The following ELMO1 variants were observed in gnomAD, a reference collection of about 807,000 sequenced individuals.
The protein encoded by ELMO1 is engulfment and cell motility protein 1.
ELMO1 carries 26 observed loss-of-function variants against 98.9 expected under a neutral mutation model. That is an observed-to-expected ratio of 0.26 (90% CI 0.19 to 0.36). ELMO1 has a LOEUF of 0.36. Among genes scored for constraint, ELMO1 ranks in the 10% least tolerant of loss-of-function variants. ELMO1 has a pLI of 1.00. For synonymous variants in ELMO1, 346 were observed against 346.0 expected (o/e 1.00, Z 0.00); for missense variants, 627 against 935.2 (o/e 0.67, Z 4.30).
chr7:36,862,743 T>C (rs1802733532), intron 20 of ELMO1, among the ~76,000 whole-genome samples: 1 of 152,186 alleles, frequency 6.6e-6, no homozygotes, highest in South Asian at 2.1e-4. Context: ...GTGCTTCTAT[T>C]AGGCACCAGT....
At chr7:37,340,489 T>C (rs1800655531) in intron 2 of ELMO1, among the ~76,000 whole-genome samples, 1 of 152,156 alleles carries the variant, frequency 6.6e-6, no homozygotes, top group Non-Finnish European at 1.5e-5. Context: ...TGAGGAAACG[T>C]GACAATTCGT....
intron 13 of ELMO1, chr7:37,204,136 G>T (rs750430326): frequency 6.6e-6 from 3 of 456,380 alleles, no homozygotes; most frequent in Non-Finnish European, 1.3e-5. Context: ...TAGTCTCACC[G>T]CCTGGCGATG....
At chr7:36,901,129 A>G (rs1264166243) in intron 16 of ELMO1, among the ~76,000 whole-genome samples, 2 of 152,208 alleles carry the variant, frequency 1.3e-5, no homozygotes, top group African/African-American at 2.4e-5. Context: ...GCCTACCTCC[A>G]TATAGAGGTC....
intron 4 of ELMO1, among the ~76,000 whole-genome samples, chr7:37,307,415 G>T (rs1167417304): frequency 6.6e-6 from 1 of 152,174 alleles, no homozygotes; most frequent in Non-Finnish European, 1.5e-5. Flanking sequence ...GGACATGTTT[G>T]CTTTCCCTTC....
chr7:37,131,591 C>T (rs549847906), intron 14 of ELMO1, among the ~76,000 whole-genome samples: 17 of 152,226 alleles, frequency 1.1e-4, no homozygotes, highest in Non-Finnish European at 2.1e-4. Flanking sequence ...ACGCTCAACT[C>T]TCCAAGGCTA....
chr7:37,194,365 C>T (rs1175407288), intron 13 of ELMO1, among the ~76,000 whole-genome samples: 4 of 152,198 alleles, frequency 2.6e-5, no homozygotes, highest in African/African-American at 9.7e-5. Context: ...GCCACACAAG[C>T]TGTGCAACAC....
At chr7:36,895,129 C>T in intron 16 of ELMO1, 112 bp from the exon 17 acceptor site, 1 of 1,214,522 alleles carries the variant, frequency 8.2e-7, no homozygotes, top group Non-Finnish European at 1.2e-6. Flanking sequence ...CACGCATGCT[C>T]AGCATTAACC....
chr7:37,347,086 G>T (rs941621267), intron 1 of ELMO1, among the ~76,000 whole-genome samples: 10 of 152,258 alleles, frequency 6.6e-5, no homozygotes, highest in Admixed American at 5.2e-4. Flanking sequence ...AAAGGGAGGG[G>T]GGCATAGCAA....
chr7:37,110,672 A>T (rs2129276054), intron 14 of ELMO1, among the ~76,000 whole-genome samples: 1 of 152,196 alleles, frequency 6.6e-6, no homozygotes, highest in Middle Eastern at 3.4e-3. Flanking sequence ...CTTTAAAATC[A>T]TTTCACCGGC....
chr7:37,231,525 G>A (rs1794176074), intron 8 of ELMO1, among the ~76,000 whole-genome samples: 1 of 152,094 alleles, frequency 6.6e-6, no homozygotes, highest in Admixed American at 6.5e-5. Context: ...AACCATGAGG[G>A]AAATATCAGA....
chr7:37,387,099 A>C (rs1285801250), intron 1 of ELMO1, among the ~76,000 whole-genome samples: 11 of 152,224 alleles, frequency 7.2e-5, no homozygotes, highest in African/African-American at 2.7e-4. Flanking sequence ...ATAAAGAATA[A>C]ACCCACAGAA....
chr7:37,371,910 G>A (rs1011455410), intron 1 of ELMO1, among the ~76,000 whole-genome samples: 1 of 152,160 alleles, frequency 6.6e-6, no homozygotes, highest in Non-Finnish European at 1.5e-5. Context: ...ATGGGTTGGG[G>A]GAGGTTGGTT....
At chr7:37,285,805 T>TA (rs747498278) in intron 4 of ELMO1, among the ~76,000 whole-genome samples, 15 of 151,988 alleles carry the variant, frequency 9.9e-5, no homozygotes, top group Non-Finnish European at 1.6e-4. Context: ...CCTGTACGAG[T>TA]TGAGCGAACC....
At position 37,340,672 on chromosome 7, in the gene ELMO1, T is replaced by C. The variant is rs143394239; in HGVS notation, c.78+1941A>G. 2.7e-3 allele frequency among the ~76,000 whole-genome samples: 412 copies of C among 152,314 alleles called. 2 individuals carry two copies. The highest frequency in any genetic ancestry group is 2.5e-3 in the Non-Finnish European group (171 of 68,022). On this transcript the variant is annotated intron_variant, in intron 2 of 21. Coordinates refer to ENST00000310758, the MANE Select transcript of ELMO1 (RefSeq NM_014800.11). ...GGGGAAACTGGAAATAGGGTATAAA[T>C]GTAAGCATATACAATCTTTGTAATT...
chr7:37,183,346 T>G (rs1450470866), intron 13 of ELMO1, among the ~76,000 whole-genome samples: 2 of 152,234 alleles, frequency 1.3e-5, no homozygotes, highest in Non-Finnish European at 2.9e-5. Flanking sequence ...TAAATAACAT[T>G]GTTTCAGTAA....
chr7:37,348,225 C>T (rs1322029395), intron 1 of ELMO1, among the ~76,000 whole-genome samples: 2 of 152,092 alleles, frequency 1.3e-5, no homozygotes, highest in African/African-American at 4.8e-5. Flanking sequence ...TTAAATTGCC[C>T]AGTAAAATAC....
chr7:37,284,021 TA>T (rs1158078969), intron 4 of ELMO1, among the ~76,000 whole-genome samples: 5 of 151,956 alleles, frequency 3.3e-5, no homozygotes, highest in Non-Finnish European at 7.4e-5. Flanking sequence ...GTGTGAGCAC[TA>T]GGGGAGTATG....
chr7:37,183,419 G>A (rs979227868), intron 13 of ELMO1, among the ~76,000 whole-genome samples: 2 of 152,200 alleles, frequency 1.3e-5, no homozygotes, highest in African/African-American at 4.8e-5. Flanking sequence ...CAATGAGGAG[G>A]AAGAGGCAGG....
intron 1 of ELMO1, among the ~76,000 whole-genome samples, chr7:37,392,378 C>T (rs146666453): frequency 1.3e-5 from 2 of 152,318 alleles, no homozygotes; most frequent in Non-Finnish European, 2.9e-5. Context: ...AGAAGGAACA[C>T]AAGATCCCAG....
Sources: gnomAD v4.1 joint callset for allele counts (sites outside exome capture counted in the v4.1 genomes callset) on GRCh38, gnomAD v4.1.1 for gene constraint, MANE v1.5 for transcripts, NCBI Gene and HGNC (gene_info 2026-07-23, HGNC 2026-07-21) for gene names.